Variants in MBD5 observed in about 807,000 individuals in gnomAD.
MBD5 encodes the protein methyl-CpG binding domain protein 5.
Under a neutral mutation model 117.3 loss-of-function variants are expected in MBD5, and 13 were observed. The observed-to-expected ratio is 0.11, with a 90% CI of 0.07 to 0.18. The LOEUF is 0.18. MBD5 is among the 10% of genes least tolerant of loss of function. The pLI is 1.00. For synonymous variants in MBD5, 727 were observed against 766.4 expected (o/e 0.95, Z 0.85); for missense variants, 1,879 against 2,093.8 (o/e 0.90, Z 2.00).
At chr2:148,266,286 A>C (rs2106323250) in intron 3 of MBD5, among the ~76,000 whole-genome samples, 1 of 152,236 alleles carries the variant, frequency 6.6e-6, no homozygotes, top group East Asian at 1.9e-4. Flanking sequence ...AAATTAAAGG[A>C]GAAAAACCAT....
intron 3 of MBD5, among the ~76,000 whole-genome samples, chr2:148,326,942 T>C (rs1395556962): frequency 1.3e-5 from 2 of 151,590 alleles, no homozygotes; most frequent in Non-Finnish European, 2.9e-5. Flanking sequence ...CGATGGTCTT[T>C]ACATTTTGGC....
intron 2 of MBD5, among the ~76,000 whole-genome samples, chr2:148,221,017 A>G (rs757230224): frequency 9.2e-5 from 14 of 152,140 alleles, no homozygotes; most frequent in Non-Finnish European, 2.1e-4. Flanking sequence ...GATCTCACAC[A>G]TAAGTGAAAA....
chr2:148,116,593 G>C (rs1696647360), intron 1 of MBD5, among the ~76,000 whole-genome samples: 1 of 152,176 alleles, frequency 6.6e-6, no homozygotes, highest in Non-Finnish European at 1.5e-5. Flanking sequence ...ACTCTTTTTG[G>C]TTGTTTTATT....
intron 4 of MBD5, among the ~76,000 whole-genome samples, chr2:148,425,970 A>C (rs866200811): frequency 3.3e-5 from 5 of 152,202 alleles, no homozygotes; most frequent in Non-Finnish European, 5.9e-5. Flanking sequence ...ATACAAAATC[A>C]ATGTGCAAAA....
At chr2:148,299,449 T>G (rs1174508809) in intron 3 of MBD5, among the ~76,000 whole-genome samples, 2 of 151,960 alleles carry the variant, frequency 1.3e-5, no homozygotes, top group African/African-American at 4.8e-5. Context: ...TTTAAAGAAC[T>G]TTGTCTAAAG....
chr2:148,114,492 A>C (rs56230499), intron 1 of MBD5, among the ~76,000 whole-genome samples: 3 of 152,120 alleles, frequency 2.0e-5, no homozygotes, highest in African/African-American at 7.2e-5. Context: ...GAGTATTCCA[A>C]TTTTAAAATT....
At chr2:148,443,596 T>C (rs1055635241) in intron 4 of MBD5, among the ~76,000 whole-genome samples, 1 of 151,360 alleles carries the variant, frequency 6.6e-6, no homozygotes. Flanking sequence ...ACAGCATGAT[T>C]GGAATTGGAG....
intron 3 of MBD5, among the ~76,000 whole-genome samples, chr2:148,329,880 A>G (rs1702585942): frequency 6.6e-6 from 1 of 152,142 alleles, no homozygotes; most frequent in Non-Finnish European, 1.5e-5. Flanking sequence ...CTTGTTTTAT[A>G]AAAAATTATG....
At chr2:148,268,321 A>G (rs915050060) in intron 3 of MBD5, among the ~76,000 whole-genome samples, 3 of 151,770 alleles carry the variant, frequency 2.0e-5, no homozygotes, top group Non-Finnish European at 2.9e-5. Context: ...ATCTCACGCA[A>G]TCCCCCCACC....
chr2:148,043,520 A>G (rs1694434402), intron 1 of MBD5, among the ~76,000 whole-genome samples: 1 of 151,368 alleles, frequency 6.6e-6, no homozygotes, highest in South Asian at 2.1e-4. Context: ...GGGCTCAGGA[A>G]TCTCGATTTT....
At chr2:148,235,872 C>T (rs1419425335) in intron 3 of MBD5, among the ~76,000 whole-genome samples, 3 of 152,104 alleles carry the variant, frequency 2.0e-5, no homozygotes, top group Non-Finnish European at 4.4e-5. Context: ...AATCATGGCT[C>T]ACTGCTGCCT....
intron 4 of MBD5, among the ~76,000 whole-genome samples, chr2:148,353,036 C>A (rs1055712227): frequency 1.3e-5 from 2 of 151,918 alleles, no homozygotes; most frequent in African/African-American, 4.8e-5. Context: ...CAATTTAGTA[C>A]AATATCTCCT....
chr2:148,408,839 T>A (rs1705162427), intron 4 of MBD5, among the ~76,000 whole-genome samples: 1 of 151,936 alleles, frequency 6.6e-6, no homozygotes, highest in African/African-American at 2.4e-5. Flanking sequence ...TTTTTTTTTC[T>A]TGTCCTTATT....
At chr2:148,281,549 C>T (rs1008137214) in intron 3 of MBD5, among the ~76,000 whole-genome samples, 3 of 151,786 alleles carry the variant, frequency 2.0e-5, no homozygotes, top group South Asian at 2.1e-4. Context: ...TCTGATTGCT[C>T]GTAAATATAT....
Position 148,470,296 on chromosome 2 carries a change from A to C in MBD5, c.2353A>C (p.Asn785His). The C allele has an allele frequency of 6.2e-7, 1 of 1,613,908 alleles. No individual in the cohort carries two copies. Among genetic ancestry groups the C allele is most frequent in the Non-Finnish European group, 8.5e-7 (1 of 1,179,892 alleles). Residue 785 changes from asparagine (N) to histidine (H), a missense_variant, in exon 8 of 14, where the codon AAT becomes CAT. Physicochemically the swap from Asn to His is moderately conservative, Grantham distance 68. This residue lies in a region of MBD5 where 1,666 missense variants were observed against 1,792.2 expected (regional missense o/e 0.93). Coordinates refer to ENST00000642680, the MANE Select transcript of MBD5 (RefSeq NM_001378120.1). The part of the protein sequence containing the change: ...VPNHHLAGLI[N>H]QIQASGNCGM... ...CAACCACCATCTTGCAGGTTTAATA[A>C]ATCAGATTCAGGCTAGCGGGAACTG...
intron 1 of MBD5, among the ~76,000 whole-genome samples, chr2:148,145,746 A>G (rs569786411): frequency 6.6e-6 from 1 of 152,334 alleles, no homozygotes; most frequent in East Asian, 1.9e-4. Context: ...GTGATGGATT[A>G]CATTTATTGA....
Position 148,176,299 on chromosome 2 carries a change from GT to G in MBD5, c.-924-2397del, listed in dbSNP as rs1355454267. On this transcript the variant is annotated intron_variant, in intron 1 of 13. Coordinates refer to ENST00000642680, the MANE Select transcript of MBD5 (RefSeq NM_001378120.1). Reference sequence around the variant, plus strand: ...CAGATAATTACCTCTGTTTATTAGAGTTTTGTTTTTTTTTTTTTTTTTTCAG... The same window carrying G: ...CAGATAATTACCTCTGTTTATTAGAGTTTGTTTTTTTTTTTTTTTTTTCAG... Among the ~76,000 whole-genome samples the G allele has an allele frequency of 3.2e-4, 31 of 98,086 alleles. 1 individual carries two copies. Among genetic ancestry groups the G allele is most frequent in the Non-Finnish European group, 5.8e-4 (28 of 48,064 alleles). 64.3% of individuals were successfully genotyped at this position (98,086 alleles called of 152,430 possible).
At chr2:148,431,057 T>A (rs1462895862) in intron 4 of MBD5, among the ~76,000 whole-genome samples, 1 of 152,136 alleles carries the variant, frequency 6.6e-6, no homozygotes, top group Non-Finnish European at 1.5e-5. Context: ...TTCTTCCCCC[T>A]ACTTTGGAGA....
intron 1 of MBD5, among the ~76,000 whole-genome samples, chr2:148,035,062 A>G (rs1054880771): frequency 2.0e-5 from 3 of 152,166 alleles, no homozygotes; most frequent in African/African-American, 7.2e-5. Flanking sequence ...ATGACTATGA[A>G]TGATAGAGTA....
Sources: gnomAD v4.1 joint callset for allele counts (sites outside exome capture counted in the v4.1 genomes callset) on GRCh38, gnomAD v4.1.1 for gene constraint, gnomAD v4.1.1 regional missense constraint, MANE v1.5 for transcripts, NCBI Gene and HGNC (gene_info 2026-07-23, HGNC 2026-07-21) for gene names.